Variants in SNX29 observed in about 807,000 individuals in gnomAD.
SNX29 encodes sorting nexin 29.
SNX29 carries 78 observed loss-of-function variants against 102.1 expected under a neutral mutation model. The ratio of observed to expected loss-of-function variants is 0.76; its 90% CI spans 0.64 to 0.92. The LOEUF is 0.92. SNX29 is among the 40% of genes least tolerant of loss of function. The pLI, the probability that SNX29 is intolerant of heterozygous loss-of-function variation, is 0.00. For missense variants in SNX29, 1,280 were observed against 1,061.7 expected (o/e 1.21, Z -2.86); for synonymous variants, 580 against 414.5 (o/e 1.40, Z -4.85).
At chr16:12,480,959 T>C (rs893258450) in intron 19 of SNX29, among the ~76,000 whole-genome samples, 18 of 152,288 alleles carry the variant, frequency 1.2e-4, no homozygotes, top group African/African-American at 4.3e-4. Context: ...CACTACAACC[T>C]GTGCTTCTGG....
intron 18 of SNX29, among the ~76,000 whole-genome samples, chr16:12,427,685 C>G (rs940510159): frequency 6.6e-6 from 1 of 152,176 alleles, no homozygotes; most frequent in Non-Finnish European, 1.5e-5. Flanking sequence ...CAGGCTGAAC[C>G]CCAAGAGGAA....
intron 18 of SNX29, among the ~76,000 whole-genome samples, chr16:12,448,881 G>A (rs1016203475): frequency 6.6e-6 from 1 of 152,158 alleles, no homozygotes; most frequent in African/African-American, 2.4e-5. Context: ...TTGGACGGTA[G>A]TGATTTGCTT....
At chr16:12,340,781 CA>C (rs2081589019) in intron 15 of SNX29, among the ~76,000 whole-genome samples, 1 of 152,142 alleles carries the variant, frequency 6.6e-6, no homozygotes, top group African/African-American at 2.4e-5. Flanking sequence ...GTATCTTGGG[CA>C]TTGAAGCATC....
intron 19 of SNX29, among the ~76,000 whole-genome samples, chr16:12,485,795 T>C (rs77136218): frequency 6.6e-6 from 1 of 152,138 alleles, no homozygotes; most frequent in African/African-American, 2.4e-5. Flanking sequence ...CTATATGAGC[T>C]GCAGGGAACC....
At chr16:12,513,622 C>T (rs572271111) in intron 19 of SNX29, among the ~76,000 whole-genome samples, 15 of 152,280 alleles carry the variant, frequency 9.9e-5, no homozygotes, top group South Asian at 8.3e-4. Flanking sequence ...GCCGTTGCCC[C>T]GCTGATTGGC....
intron 20 of SNX29, among the ~76,000 whole-genome samples, chr16:12,548,818 G>A (rs2077776414): frequency 2.6e-5 from 4 of 152,166 alleles, no homozygotes; most frequent in Admixed American, 2.6e-4. Flanking sequence ...TTTTCCTATG[G>A]CAGGCCCAGC....
intron 18 of SNX29, among the ~76,000 whole-genome samples, chr16:12,467,662 C>CTCAT (rs1413493820): frequency 2.6e-5 from 4 of 151,806 alleles, no homozygotes; most frequent in South Asian, 4.2e-4. Flanking sequence ...ATTCCATTCA[C>CTCAT]TCATTCATTC....
intron 18 of SNX29, among the ~76,000 whole-genome samples, chr16:12,460,912 A>G (rs566979388): frequency 6.6e-6 from 1 of 152,288 alleles, no homozygotes; most frequent in Admixed American, 6.5e-5. Flanking sequence ...AAGTGCTGGT[A>G]TTACAGGCGT....
intron 18 of SNX29, among the ~76,000 whole-genome samples, chr16:12,468,690 C>T (rs2087191468): frequency 6.6e-6 from 1 of 152,048 alleles, no homozygotes; most frequent in Non-Finnish European, 1.5e-5. Flanking sequence ...CATGATAGCC[C>T]CAGGGCCCAG....
intron 14 of SNX29, among the ~76,000 whole-genome samples, chr16:12,220,381 G>A (rs1388882043): frequency 6.6e-6 from 1 of 152,110 alleles, no homozygotes; most frequent in Non-Finnish European, 1.5e-5. Context: ...GCCCTGGGAG[G>A]TTAGGGGCCT....
At position 12,046,457 on chromosome 16, in the gene SNX29, A is replaced by C; in HGVS notation, c.499+3A>C. ...TATGCTTCCTACCATGGCAGCAGGTAAGCCTGGCCCAGACCAGGGTGCAGG... is the reference window on the plus strand; with the variant it reads ...TATGCTTCCTACCATGGCAGCAGGTCAGCCTGGCCCAGACCAGGGTGCAGG... On this transcript the variant is annotated splice_donor_region_variant and intron_variant, in intron 6 of 20. Transcript: ENST00000566228. The C allele has an allele frequency of 1.2e-6, 2 of 1,613,764 alleles. No homozygotes were observed. The highest frequency in any genetic ancestry group is 1.7e-6 in the Non-Finnish European group (2 of 1,179,712).
chr16:12,419,827 G>A (rs749782902), intron 18 of SNX29, among the ~76,000 whole-genome samples: 6 of 152,150 alleles, frequency 3.9e-5, no homozygotes, highest in East Asian at 1.9e-4. Context: ...GGTCGGTGTC[G>A]TGTACCTACT....
At chr16:12,046,544 T>G in intron 6 of SNX29, 90 bp downstream of exon 6, 1 of 1,215,298 alleles carries the variant, frequency 8.2e-7, no homozygotes, top group African/African-American at 1.5e-5. Context: ...TGGAGTGTTG[T>G]GATTCTTCTG....
chr16:12,449,953 A>G (rs2086231819), intron 18 of SNX29, among the ~76,000 whole-genome samples: 1 of 152,124 alleles, frequency 6.6e-6, no homozygotes, highest in South Asian at 2.1e-4. Flanking sequence ...GTGTTGTGGG[A>G]GGGACCCGGT....
chr16:12,027,249 G>T, intron 3 of SNX29, 71 bp from the exon 4 acceptor site: 1 of 1,592,234 alleles, frequency 6.3e-7, no homozygotes. Flanking sequence ...TCACTTCCTG[G>T]AGATGCTGGG....
chr16:12,562,085 T>C (rs997845999), intron 20 of SNX29, among the ~76,000 whole-genome samples: 1 of 152,178 alleles, frequency 6.6e-6, no homozygotes, highest in Admixed American at 6.5e-5. Context: ...TGCCCAGTAG[T>C]TTGAACCGCA....
At chr16:12,106,993 T>G (rs1407086963) in intron 11 of SNX29, among the ~76,000 whole-genome samples, 1 of 152,094 alleles carries the variant, frequency 6.6e-6, no homozygotes, top group Non-Finnish European at 1.5e-5. Context: ...TTTTGAAATT[T>G]TTTTTGTAGA....
At chr16:12,432,652 C>G (rs1380162785) in intron 18 of SNX29, among the ~76,000 whole-genome samples, 1 of 152,180 alleles carries the variant, frequency 6.6e-6, no homozygotes, top group African/African-American at 2.4e-5. Flanking sequence ...CAGACCCTGC[C>G]TTAACTGTGA....
intron 14 of SNX29, among the ~76,000 whole-genome samples, chr16:12,240,004 T>G (rs562338761): frequency 6.0e-4 from 91 of 152,364 alleles, no homozygotes; most frequent in African/African-American, 2.1e-3. Flanking sequence ...AAAACACATT[T>G]AGATCATTCT....
Sources: gnomAD v4.1 joint callset for allele counts (sites outside exome capture counted in the v4.1 genomes callset) on GRCh38, gnomAD v4.1.1 for gene constraint, MANE v1.5 for transcripts, NCBI Gene and HGNC (gene_info 2026-07-23, HGNC 2026-07-21) for gene names.